Variants in HECTD4 observed in about 807,000 individuals in gnomAD.
HECTD4 encodes the protein HECT domain E3 ubiquitin protein ligase 4, also known as probable E3 ubiquitin-protein ligase HECTD4.
HECTD4 carries 114 observed loss-of-function variants against 471.5 expected under a neutral mutation model. That is an observed-to-expected ratio of 0.24 (90% confidence interval 0.21 to 0.28). The LOEUF (loss-of-function observed/expected upper bound fraction) is 0.28, where lower values mean the gene tolerates loss of function less well. HECTD4 is among the 10% of genes least tolerant of loss of function. The pLI, the probability that HECTD4 is intolerant of heterozygous loss-of-function variation, is 1.00. For synonymous variants in HECTD4, 2,012 were observed against 2,256.0 expected (o/e 0.89, Z 3.07); for missense variants, 3,866 against 5,651.5 (o/e 0.68, Z 10.13).
rs557599572 is a variant in HECTD4 at position 112,340,676 on chromosome 12, TAG to T, written c.178-20936_178-20935del. Among the ~76,000 whole-genome samples, 10 of 152,278 alleles carry T rather than the reference TAG, an allele frequency of 6.6e-5. No homozygotes were observed. The East Asian group carries it at 1.9e-3, about 29-fold the overall frequency. On this transcript the variant is annotated intron_variant, in intron 1 of 75. Transcript: ENST00000682272. ...CGCCTGGTCTATAGTGACCCCTTGATAGAGTGTGTGCAGTAAGGCTAACTATT... is the reference window on the plus strand; with the variant it reads ...CGCCTGGTCTATAGTGACCCCTTGATAGTGTGTGCAGTAAGGCTAACTATT...
In HECTD4 at chr12:112,306,231, A is replaced by G. The variant is rs1387585952; in HGVS notation, c.1168T>C (p.Cys390Arg). The G allele has an allele frequency of 1.9e-6, 3 of 1,546,150 alleles. No homozygotes were observed. The African/African-American group carries it at 4.1e-5, about 21-fold the overall frequency. The change falls in exon 7 of 76, where the codon TGC (cysteine) becomes CGC (arginine). Residue 390 changes from cysteine to arginine, a missense_variant. Physicochemically the swap from Cys to Arg is radical, Grantham distance 180. Transcript: ENST00000682272. ...TTGGCTGGCATTGGCACCACCTGGC[A>G]CACCTGGGCATGAAAGGGAGGAAAT... ...QVIDQNTLQVCQVVPMPANHL... is the reference protein window; with the variant it reads ...QVIDQNTLQVRQVVPMPANHL...
At chr12:112,175,418 C>T (rs2031401272) in intron 66 of HECTD4, among the ~76,000 whole-genome samples, 1 of 152,170 alleles carries the variant, frequency 6.6e-6, no homozygotes, top group Non-Finnish European at 1.5e-5. Flanking sequence ...ACTGCTGACA[C>T]CTTGATCTGG....
chr12:112,184,565 G>T lies in HECTD4; in HGVS notation c.10401C>A (p.Asp3467Glu). 6.2e-7 allele frequency: 1 copy of T among 1,613,572 alleles called. No homozygotes were observed. The highest frequency in any genetic ancestry group is 1.1e-5 in the South Asian group (1 of 91,080). Residue 3467 changes from aspartate to glutamate, a missense_variant, in exon 61 of 76, where the codon GAC becomes GAA. By Grantham distance (45) the Asp-to-Glu change is conservative. This residue lies in a region of HECTD4 where 192 missense variants were observed against 189.9 expected (regional missense o/e 1.01). Coordinates refer to ENST00000682272, the MANE Select transcript of HECTD4 (RefSeq NM_001388303.1). This position sits in a 1 kb window ranked among gnomAD's most constrained non-coding sequence, Gnocchi z 9.1. ...PEKTLAFPGT[D>E]SMEVSTSSSL... ...TGCTGGACGTGCTGACCTCCATGCT[G>T]TCTGTGCCGGGGAAGGCCAGTGTCT... is the stretch of plus-strand genomic sequence containing the variant.
intron 1 of HECTD4, among the ~76,000 whole-genome samples, chr12:112,377,686 C>G (rs1334952585): frequency 2.0e-5 from 3 of 152,130 alleles, no homozygotes; most frequent in Admixed American, 2.0e-4. Context: ...GCCTGGCCAA[C>G]ATGGTGAAAC....
At chr12:112,354,675 A>G (rs2036301479) in intron 1 of HECTD4, among the ~76,000 whole-genome samples, 1 of 152,026 alleles carries the variant, frequency 6.6e-6, no homozygotes, top group African/African-American at 2.4e-5. Flanking sequence ...AACAGAGCAG[A>G]CTGTCTCAAC....
chr12:112,205,630 C>T (rs1318530312), intron 52 of HECTD4, among the ~76,000 whole-genome samples: 7 of 151,632 alleles, frequency 4.6e-5, no homozygotes, highest in Non-Finnish European at 1.0e-4. Flanking sequence ...CTTGCTCTGC[C>T]GCCCAGGCTG....
At position 112,188,011 on chromosome 12, in the gene HECTD4, G is replaced by A. The variant is rs188605620; in HGVS notation, c.9473-2518C>T. ...TGTTAAATATATGCATGCTGGCTGG[G>A]CTCAGTGGTTCATGCCTGTAATCCC... On this transcript the variant is annotated intron_variant, in intron 60 of 75. Transcript: ENST00000682272. This position sits in a 1 kb window ranked among gnomAD's most constrained non-coding sequence, Gnocchi z 4.2. Among the ~76,000 whole-genome samples the A allele has an allele frequency of 0.011, 1,731 of 152,090 alleles. 22 individuals are homozygous for A. Among genetic ancestry groups the A allele is most frequent in the Non-Finnish European group, 0.015 (1,007 of 67,982 alleles).
chr12:112,382,136 G>C lies in HECTD4; in HGVS notation c.-8C>G. 2 of 1,219,004 alleles carry C rather than the reference G, an allele frequency of 1.6e-6. No homozygotes were observed. The highest frequency in any genetic ancestry group is 2.0e-6 in the Non-Finnish European group (2 of 982,134). 75.5% of individuals were successfully genotyped at this position (1,219,004 alleles called of 1,614,324 possible). A position where few individuals can be genotyped will look rare whatever the true frequency, so the allele number is the denominator to read the frequency against. On this transcript the variant is annotated 5_prime_UTR_variant, in exon 1 of 76. Coordinates refer to ENST00000682272, the MANE Select transcript of HECTD4 (RefSeq NM_001388303.1). Reference sequence around the variant, plus strand: ...GGCCGCCGACGAGCCCATGGCCCCGGCTGAAGGCTTGGCGCTGAGGAGCAG... The same window carrying C: ...GGCCGCCGACGAGCCCATGGCCCCGCCTGAAGGCTTGGCGCTGAGGAGCAG...
intron 7 of HECTD4, among the ~76,000 whole-genome samples, chr12:112,300,915 C>T (rs1027576615): frequency 1.3e-5 from 2 of 151,284 alleles, no homozygotes; most frequent in Admixed American, 6.7e-5. Context: ...GATGGAGCCT[C>T]GCTGTGTCGC....
At position 112,239,905 on chromosome 12, in the gene HECTD4, A is replaced by G; in HGVS notation, c.5081T>C (p.Leu1694Pro). 1 of 1,614,012 alleles carries G rather than the reference A, an allele frequency of 6.2e-7. No individual in the cohort carries two copies. Among genetic ancestry groups the G allele is most frequent in the Non-Finnish European group, 8.5e-7 (1 of 1,179,864 alleles). Residue 1694 changes from leucine to proline, a missense_variant, in exon 33 of 76, where the codon CTC becomes CCC. Transcript: ENST00000682272. The surrounding 1 kb of genome is among the most constrained non-coding windows in gnomAD (Gnocchi z 4.9). ...CCTGGTGTAAGGTATGGTACATAAG[A>G]GTCCAATGCTATTTGCGCAAGCGAT... The part of the protein sequence containing the change: ...YPIACANSIG[L>P]LCTIPYTRSE...
chr12:112,294,272 T>C (rs924513258), intron 7 of HECTD4, among the ~76,000 whole-genome samples: 22 of 152,228 alleles, frequency 1.4e-4, no homozygotes, highest in Admixed American at 9.2e-4. Context: ...GTAATTATTA[T>C]TGGCCACATC....
At chr12:112,278,849 T>C (rs2135634545) in intron 9 of HECTD4, among the ~76,000 whole-genome samples, 1 of 152,296 alleles carries the variant, frequency 6.6e-6, no homozygotes, top group East Asian at 1.9e-4. Context: ...GCTGAGATCA[T>C]GCCACTGCAC....
rs2036903381 is a variant in HECTD4, at chr12:112,381,934, G to A, written c.177+18C>T. 8.3e-7 allele frequency: 1 copy of A among 1,211,686 alleles called. No individual in the cohort carries two copies. The highest frequency in any genetic ancestry group is 1.0e-6 in the Non-Finnish European group (1 of 972,956). The allele number at this position is 1,211,686 out of a possible 1,614,324, so 75.1% of individuals were successfully genotyped here. A position where few individuals can be genotyped will look rare whatever the true frequency, so the allele number is the denominator to read the frequency against. The stretch of plus-strand genomic sequence containing the variant: ...GTGGGTCAGTCCGATGGCGGGGGCC[G>A]GGGGCCGCCTCGCTCACCTCCAGGT... On this transcript the variant is annotated intron_variant, in intron 1 of 75. Coordinates refer to ENST00000682272, the MANE Select transcript of HECTD4 (RefSeq NM_001388303.1). This position sits in a 1 kb window ranked among gnomAD's most constrained non-coding sequence, Gnocchi z 4.1.
chr12:112,349,336 C>T (rs1287055544), intron 1 of HECTD4, among the ~76,000 whole-genome samples: 2 of 136,858 alleles, frequency 1.5e-5, no homozygotes, highest in Non-Finnish European at 3.0e-5. Context: ...TTGAGTGAGC[C>T]GAGATCGCAC....
chr12:112,292,110 C>T (rs2034900424), intron 7 of HECTD4, among the ~76,000 whole-genome samples: 1 of 152,084 alleles, frequency 6.6e-6, no homozygotes, highest in Non-Finnish European at 1.5e-5. Context: ...CTTGCAAGGC[C>T]CTATAAGATA....
intron 3 of HECTD4, among the ~76,000 whole-genome samples, chr12:112,313,792 A>G (rs2035420650): frequency 2.0e-5 from 3 of 152,076 alleles, no homozygotes; most frequent in Admixed American, 6.6e-5. Context: ...CCCTGCTACA[A>G]TATTTTTAAA....
intron 59 of HECTD4, 27 bp from the exon 60 acceptor site, chr12:112,190,992 A>G: frequency 6.5e-7 from 1 of 1,529,876 alleles, no homozygotes; most frequent in Non-Finnish European, 8.8e-7. Flanking sequence ...GGAAGAAAGC[A>G]GATGATTGGC....
In HECTD4 at chr12:112,226,668, G is replaced by T. The variant is rs551891237; in HGVS notation, c.6945C>A (p.Asn2315Lys). 99 of 1,612,304 alleles carry T rather than the reference G, an allele frequency of 6.1e-5. No homozygotes were observed. In the Middle Eastern group the frequency reaches 1.5e-3, roughly 24 times the overall value. The change falls in exon 44 of 76, where the codon AAC (asparagine) becomes AAA (lysine). Residue 2315 changes from asparagine (N) to lysine (K), a missense_variant. By Grantham distance (94) the Asn-to-Lys change is moderately conservative. Transcript: ENST00000682272. ...CAGCACTACATTCCTGGGCTACTAG[G>T]TTAAGAACTTCAACAGCTGCTGGAC... is the stretch of plus-strand genomic sequence containing the variant. Reference protein sequence around the residue: ...QQCPAAVEVLNLVAQECSAGE... With the variant: ...QQCPAAVEVLKLVAQECSAGE...
At chr12:112,198,400 C>T (rs1265516496) in intron 55 of HECTD4, among the ~76,000 whole-genome samples, 1 of 152,172 alleles carries the variant, frequency 6.6e-6, no homozygotes, top group East Asian at 1.9e-4. Context: ...AGCTCAGAGG[C>T]TCCTGTGGGG....
Sources: gnomAD v4.1 joint callset for allele counts (sites outside exome capture counted in the v4.1 genomes callset) on GRCh38, gnomAD v4.1.1 for gene constraint, gnomAD v4.1.1 regional missense constraint, Gnocchi (gnomAD v3.1) non-coding constraint, MANE v1.5 for transcripts, NCBI Gene and HGNC (gene_info 2026-07-23, HGNC 2026-07-21) for gene names.